The following PABPC4L variants were observed in gnomAD, a reference collection of about 807,000 sequenced individuals.
PABPC4L encodes poly(A) binding protein cytoplasmic 4 like, also known as polyadenylate-binding protein 4-like.
For missense variants in PABPC4L, 452 were observed against 451.4 expected (o/e 1.00, Z -0.01); for synonymous variants, 169 against 164.1 (o/e 1.03, Z -0.23).
the PABPC4L span, among the ~76,000 whole-genome samples, chr4:134,158,076 G>C: frequency 6.6e-6 from 1 of 151,714 alleles, no homozygotes; most frequent in Admixed American, 6.6e-5. Context: ...ACTTTTTCAA[G>C]TTCTATTGTT....
the PABPC4L span, among the ~76,000 whole-genome samples, chr4:133,955,115 A>C: frequency 6.6e-6 from 1 of 152,160 alleles, no homozygotes; most frequent in Non-Finnish European, 1.5e-5. Context: ...ACTCAAGTCA[A>C]TAAAGGAAAA....
At chr4:134,069,726 A>G in the PABPC4L span, among the ~76,000 whole-genome samples, 1 of 152,080 alleles carries the variant, frequency 6.6e-6, no homozygotes, top group Non-Finnish European at 1.5e-5. Flanking sequence ...GTATTATTTT[A>G]TTACATTCCT....
chr4:134,016,858 T>A, the PABPC4L span, among the ~76,000 whole-genome samples: 1 of 152,120 alleles, frequency 6.6e-6, no homozygotes, highest in African/African-American at 2.4e-5. Context: ...CTCCCTTTCC[T>A]ACCCATCAAG....
the PABPC4L span, among the ~76,000 whole-genome samples, chr4:134,058,468 A>T: frequency 6.6e-6 from 1 of 152,004 alleles, no homozygotes; most frequent in Non-Finnish European, 1.5e-5. Flanking sequence ...GGCTTTAAAG[A>T]TGTTAGAAAG....
the PABPC4L span, among the ~76,000 whole-genome samples, chr4:134,012,381 C>A: frequency 1.3e-5 from 2 of 152,074 alleles, no homozygotes; most frequent in African/African-American, 4.8e-5. Flanking sequence ...CTTCTCCTGG[C>A]TCATCCTGGC....
chr4:134,118,614 A>C, the PABPC4L span, among the ~76,000 whole-genome samples: 1 of 151,852 alleles, frequency 6.6e-6, no homozygotes, highest in Non-Finnish European at 1.5e-5. Flanking sequence ...TAGGTAAAAA[A>C]AAAATCAATT....
chr4:134,127,553 C>T, the PABPC4L span, among the ~76,000 whole-genome samples: 2 of 152,022 alleles, frequency 1.3e-5, no homozygotes, highest in Non-Finnish European at 2.9e-5. Flanking sequence ...AGAGAAGTAA[C>T]AATCACATCA....
At chr4:134,013,530 G>A in the PABPC4L span, among the ~76,000 whole-genome samples, 1 of 152,016 alleles carries the variant, frequency 6.6e-6, no homozygotes, top group Non-Finnish European at 1.5e-5. Context: ...CTTCTGCGAT[G>A]CCACTTGACC....
chr4:133,972,043 A>C, the PABPC4L span, among the ~76,000 whole-genome samples: 1 of 152,180 alleles, frequency 6.6e-6, no homozygotes, highest in Admixed American at 6.5e-5. Flanking sequence ...ATACAAAATA[A>C]ACCATGCTTA....
the PABPC4L span, among the ~76,000 whole-genome samples, chr4:134,051,018 A>T: frequency 6.6e-6 from 1 of 151,936 alleles, no homozygotes; most frequent in Non-Finnish European, 1.5e-5. Flanking sequence ...GCATATTTAA[A>T]TCCATTTTGC....
the PABPC4L span, among the ~76,000 whole-genome samples, chr4:134,025,476 C>T: frequency 1.3e-5 from 2 of 151,924 alleles, no homozygotes; most frequent in Non-Finnish European, 2.9e-5. Flanking sequence ...GCTCTTAAAC[C>T]AGGAGCTGTG....
At chr4:133,981,127 C>T in the PABPC4L span, among the ~76,000 whole-genome samples, 1 of 151,520 alleles carries the variant, frequency 6.6e-6, no homozygotes, top group Non-Finnish European at 1.5e-5. Flanking sequence ...TGCCATTGCA[C>T]TCCAGCCTCT....
chr4:133,981,362 T>C, the PABPC4L span, among the ~76,000 whole-genome samples: 1 of 152,166 alleles, frequency 6.6e-6, no homozygotes, highest in South Asian at 2.1e-4. Context: ...ATTTATACCA[T>C]TTATATCTTG....
At chr4:134,165,040 C>T in the PABPC4L span, among the ~76,000 whole-genome samples, 3 of 152,118 alleles carry the variant, frequency 2.0e-5, no homozygotes, top group East Asian at 5.8e-4. Flanking sequence ...AAAGGACTCC[C>T]TGTTCAATAA....
chr4:134,027,991 C>T, the PABPC4L span, among the ~76,000 whole-genome samples: 1 of 152,062 alleles, frequency 6.6e-6, no homozygotes, highest in Non-Finnish European at 1.5e-5. Context: ...ATTTGTTAGG[C>T]AGCATTAGAT....
the PABPC4L span, among the ~76,000 whole-genome samples, chr4:134,178,369 A>C: frequency 1.5e-5 from 1 of 65,852 alleles, no homozygotes; most frequent in African/African-American, 1.3e-4. Context: ...AAAAAGCAAA[A>C]AAAAAAAAAA....
chr4:134,004,750 T>C, the PABPC4L span, among the ~76,000 whole-genome samples: 1 of 151,912 alleles, frequency 6.6e-6, no homozygotes, highest in African/African-American at 2.4e-5. Context: ...AATAATGTGC[T>C]ATATATACAC....
chr4:134,174,281 C>T, the PABPC4L span, among the ~76,000 whole-genome samples: 3 of 151,780 alleles, frequency 2.0e-5, no homozygotes, highest in African/African-American at 7.3e-5. Context: ...GCTGTTTTTA[C>T]AGTTACCTTT....
chr4:134,158,039 C>T, the PABPC4L span, among the ~76,000 whole-genome samples: 1 of 151,752 alleles, frequency 6.6e-6, no homozygotes, highest in Non-Finnish European at 1.5e-5. Flanking sequence ...TATACTAATG[C>T]TTTTGAAGAA....
Sources: allele counts gnomAD v4.1 joint callset (sites outside exome capture counted in the v4.1 genomes callset), GRCh38; gene constraint gnomAD v4.1.1; transcripts MANE v1.5; gene names NCBI Gene and HGNC (gene_info 2026-07-23, HGNC 2026-07-21).